Variants in NETO2 observed in about 807,000 individuals in gnomAD.
NETO2 encodes neuropilin and tolloid like 2.
A neutral mutation model predicts 62.5 loss-of-function variants in NETO2; 28 were observed. The ratio of observed to expected loss-of-function variants is 0.45; its 90% CI spans 0.33 to 0.61. The LOEUF (loss-of-function observed/expected upper bound fraction) is 0.61. Ranked by LOEUF, NETO2 falls within the 20% of genes least tolerant of loss-of-function variation. The pLI, the probability that NETO2 is intolerant of heterozygous loss-of-function variation, is 0.02. For missense variants in NETO2, 548 were observed against 643.2 expected (o/e 0.85, Z 1.60); for synonymous variants, 214 against 219.1 (o/e 0.98, Z 0.21).
chr16:47,137,598 G>C (rs1471755662), intron 1 of NETO2, among the ~76,000 whole-genome samples: 1 of 152,148 alleles, frequency 6.6e-6, no homozygotes, highest in Non-Finnish European at 1.5e-5. Flanking sequence ...TCTTGTTTCT[G>C]AACATCTGCA....
chr16:47,137,893 G>C (rs779058126), intron 1 of NETO2, among the ~76,000 whole-genome samples: 9 of 152,208 alleles, frequency 5.9e-5, no homozygotes, highest in Non-Finnish European at 4.4e-5. Flanking sequence ...GCTGGACATA[G>C]GGAGTCAAGC....
chr16:47,099,480 A>G lies in NETO2; in HGVS notation c.883+10003T>C, dbSNP rs1963497510. On this transcript the variant is annotated intron_variant, in intron 7 of 8. Transcript: ENST00000562435. ...ATAACAATATTAACCTTAGATGTAA[A>G]TGGGCTAAATGCCCCCAATTAAAAG... 2.0e-5 allele frequency among the ~76,000 whole-genome samples: 3 copies of G among 152,354 alleles called. No homozygotes were observed. In the South Asian group the frequency reaches 6.2e-4, roughly 32 times the overall value.
chr16:47,087,099 G>C (rs1963208204), intron 7 of NETO2, among the ~76,000 whole-genome samples: 1 of 151,280 alleles, frequency 6.6e-6, no homozygotes, highest in Non-Finnish European at 1.5e-5. Context: ...CATGATCTTG[G>C]CTCACTGCAA....
intron 7 of NETO2, among the ~76,000 whole-genome samples, chr16:47,091,525 AGTTT>A (rs963957742): frequency 3.9e-5 from 6 of 152,340 alleles, no homozygotes; most frequent in Non-Finnish European, 8.8e-5. Flanking sequence ...TGACTTATAT[AGTTT>A]ATTTAACCCA....
intron 6 of NETO2, 99 bp downstream of exon 6, chr16:47,122,558 T>G: frequency 7.4e-7 from 1 of 1,346,924 alleles, no homozygotes; most frequent in Non-Finnish European, 1.0e-6. Context: ...TATCAGTTTA[T>G]GTAGTCAATA....
intron 7 of NETO2, among the ~76,000 whole-genome samples, chr16:47,104,243 A>G (rs1027785809): frequency 6.6e-6 from 1 of 152,232 alleles, no homozygotes; most frequent in African/African-American, 2.4e-5. Flanking sequence ...CTGCCAATTA[A>G]CAATTAGAAA....
intron 4 of NETO2, among the ~76,000 whole-genome samples, chr16:47,125,448 C>T (rs1050701442): frequency 2.0e-5 from 3 of 151,756 alleles, no homozygotes; most frequent in African/African-American, 7.3e-5. Context: ...CAGGTTCAAG[C>T]GATTCTCCTG....
At chr16:47,133,720 C>G (rs943370125) in intron 1 of NETO2, among the ~76,000 whole-genome samples, 5 of 151,980 alleles carry the variant, frequency 3.3e-5, no homozygotes, top group Non-Finnish European at 7.4e-5. Context: ...CTGAGTAATA[C>G]AGTGTGGTTG....
rs184624539 is a variant in NETO2, at chr16:47,119,714, G to T, written c.654+2943C>A. On this transcript the variant is annotated intron_variant, in intron 6 of 8. Transcript: ENST00000562435. ...TTTTAAATGTAGTATTTTCATTAATGCATTTTAAATGTATTCAAATTTCCA... is the reference window on the plus strand; with the variant it reads ...TTTTAAATGTAGTATTTTCATTAATTCATTTTAAATGTATTCAAATTTCCA... Among the ~76,000 whole-genome samples the T allele has an allele frequency of 5.3e-5, 8 of 152,016 alleles. No homozygotes were observed. The East Asian group carries it at 1.4e-3, about 26-fold the overall frequency.
intron 1 of NETO2, among the ~76,000 whole-genome samples, chr16:47,142,507 T>C (rs957551053): frequency 5.3e-5 from 8 of 152,182 alleles, no homozygotes; most frequent in African/African-American, 1.4e-4. Flanking sequence ...ACTCTACAAA[T>C]ATTAAGATAC....
intron 1 of NETO2, 34 bp from the exon 2 acceptor site, chr16:47,132,059 T>C: frequency 6.7e-7 from 1 of 1,498,522 alleles, no homozygotes; most frequent in East Asian, 2.3e-5. Context: ...AGTTATGAAA[T>C]TGAATCTATA....
chr16:47,126,747 T>C (rs2151488834), intron 4 of NETO2, among the ~76,000 whole-genome samples: 1 of 152,324 alleles, frequency 6.6e-6, no homozygotes, highest in East Asian at 1.9e-4. Context: ...CTGTGTAATT[T>C]TGCTGTGAAC....
At chr16:47,114,439 CTTTTTTTTTTT>C (rs33994080) in intron 6 of NETO2, among the ~76,000 whole-genome samples, 216 of 37,908 alleles carry the variant, frequency 5.7e-3, no homozygotes, top group Non-Finnish European at 9.0e-3. Context: ...TTATAAATTT[CTTTTTTTTTTT>C]TTTTTTTTTT....
intron 1 of NETO2, among the ~76,000 whole-genome samples, chr16:47,141,938 A>G (rs1025344306): frequency 6.6e-6 from 1 of 152,220 alleles, no homozygotes; most frequent in Non-Finnish European, 1.5e-5. Context: ...AGGCGCTACC[A>G]GCCCCTACCC....
At position 47,079,960 on chromosome 16, in the gene NETO2, T is replaced by C. The variant is rs1233685197; in HGVS notation, c.*3261A>G. The C allele has an allele frequency of 1.3e-5, 2 of 152,196 alleles. No homozygotes were observed. Among genetic ancestry groups the C allele is most frequent in the Non-Finnish European group, 2.9e-5 (2 of 68,030 alleles). The allele number at this position is 152,196 out of a possible 1,614,324, so 9.4% of individuals were successfully genotyped here. A position where few individuals can be genotyped will look rare whatever the true frequency, so the allele number is the denominator to read the frequency against. Reference sequence around the variant, plus strand: ...GGGAAGCATTCTTCTCATCAGACATTGGCAGAACCATACAAATGTTCAGAG... The same window carrying C: ...GGGAAGCATTCTTCTCATCAGACATCGGCAGAACCATACAAATGTTCAGAG... On this transcript the variant is annotated 3_prime_UTR_variant, in exon 9 of 9. Coordinates refer to ENST00000562435, the MANE Select transcript of NETO2 (RefSeq NM_018092.5).
chr16:47,089,730 C>T (rs1016668403), intron 7 of NETO2, among the ~76,000 whole-genome samples: 3 of 152,056 alleles, frequency 2.0e-5, no homozygotes, highest in Non-Finnish European at 1.5e-5. Context: ...ACAAAATTAG[C>T]TACAAAATTA....
intron 7 of NETO2, among the ~76,000 whole-genome samples, chr16:47,098,079 C>CA (rs937407883): frequency 6.6e-6 from 1 of 152,106 alleles, no homozygotes; most frequent in African/African-American, 2.4e-5. Flanking sequence ...AAAAACACTG[C>CA]AAAAAGCCTG....
At chr16:47,094,388 C>G (rs545501130) in intron 7 of NETO2, among the ~76,000 whole-genome samples, 41 of 150,524 alleles carry the variant, frequency 2.7e-4, no homozygotes, top group African/African-American at 8.3e-4. Flanking sequence ...TTTCAGGAAC[C>G]TAAAGGAAGG....
chr16:47,128,301 C>T (rs767255409), intron 4 of NETO2, 24 bp downstream of exon 4: 2 of 1,604,934 alleles, frequency 1.2e-6, no homozygotes, highest in Admixed American at 3.4e-5. Context: ...TGCCCAACCA[C>T]TTAAAAGATA....
Sources: allele counts gnomAD v4.1 joint callset (sites outside exome capture counted in the v4.1 genomes callset), GRCh38; gene constraint gnomAD v4.1.1; transcripts MANE v1.5; gene names NCBI Gene and HGNC (gene_info 2026-07-23, HGNC 2026-07-21).